NRXN1: variants seen among roughly 807,000 people sequenced by gnomAD.
NRXN1 encodes neurexin 1.
In NRXN1, 39 loss-of-function variants were observed where a neutral mutation model predicts 150.9. The ratio of observed to expected loss-of-function variants is 0.26; its 90% CI spans 0.20 to 0.34. NRXN1 has a LOEUF of 0.34. Among genes scored for constraint, NRXN1 ranks in the 10% least tolerant of loss-of-function variants. The pLI is 1.00. For synonymous variants in NRXN1, 924 were observed against 757.0 expected (o/e 1.22, Z -3.62); for missense variants, 1,815 against 1,949.9 (o/e 0.93, Z 1.30).
chr2:50,019,589 C>T (rs1265964838), intron 21 of NRXN1, among the ~76,000 whole-genome samples: 2 of 124,870 alleles, frequency 1.6e-5, no homozygotes, highest in East Asian at 5.0e-4. Context: ...TTGCAGTGAA[C>T]CGAGATGCTG....
intron 8 of NRXN1, among the ~76,000 whole-genome samples, chr2:50,613,709 T>C (rs1169043690): frequency 6.6e-6 from 1 of 152,126 alleles, no homozygotes; most frequent in Non-Finnish European, 1.5e-5. Context: ...GAGGCCCAGG[T>C]GGGTGGATCA....
Position 50,314,953 on chromosome 2 carries a change from AT to A in NRXN1, c.3365-77984del, listed in dbSNP as rs775002274. Among the ~76,000 whole-genome samples the A allele has an allele frequency of 4.3e-4, 65 of 150,668 alleles. No homozygotes were observed. The East Asian group carries it at 6.6e-3, about 15-fold the overall frequency. ...CTTTTCCCAACTTACCCAGCTTTGGATTTTTTTTTCTGGTTATAAAATTATT... is the reference window on the plus strand; with the variant it reads ...CTTTTCCCAACTTACCCAGCTTTGGATTTTTTTTCTGGTTATAAAATTATT... On this transcript the variant is annotated intron_variant, in intron 17 of 22. Coordinates refer to ENST00000401669, the MANE Select transcript of NRXN1 (RefSeq NM_001330078.2).
chr2:50,614,741 A>G (rs1331116264), intron 8 of NRXN1, among the ~76,000 whole-genome samples: 1 of 148,308 alleles, frequency 6.7e-6, no homozygotes, highest in East Asian at 1.9e-4. Flanking sequence ...TTCAAAAAAA[A>G]AAAAAAAAAA....
chr2:49,935,094 A>G (rs756052348), intron 22 of NRXN1, among the ~76,000 whole-genome samples: 2 of 152,226 alleles, frequency 1.3e-5, no homozygotes, highest in Non-Finnish European at 2.9e-5. Flanking sequence ...AATAAAAGCT[A>G]ATTTATGTTA....
In NRXN1 at chr2:49,930,529, A is replaced by T. The variant is rs570706155; in HGVS notation, c.4217-8278T>A. ...TGTTATTAGAAAGTAATCCAATAAC[A>T]TCTATTAAATTTTTTAAAATAAATA... On this transcript the variant is annotated intron_variant, in intron 22 of 22. Coordinates refer to ENST00000401669, the MANE Select transcript of NRXN1 (RefSeq NM_001330078.2). Among the ~76,000 whole-genome samples the T allele has an allele frequency of 2.0e-5, 3 of 152,356 alleles. No homozygotes were observed. The South Asian group carries it at 6.2e-4, about 32-fold the overall frequency.
chr2:50,648,334 C>T (rs77101635), intron 5 of NRXN1, among the ~76,000 whole-genome samples: 1 of 152,124 alleles, frequency 6.6e-6, no homozygotes, highest in East Asian at 1.9e-4. Flanking sequence ...ATGCTTTTGT[C>T]AGGGAAAATC....
At chr2:50,591,114 C>CA (rs1396583870) in intron 8 of NRXN1, among the ~76,000 whole-genome samples, 1 of 152,110 alleles carries the variant, frequency 6.6e-6, no homozygotes, top group Non-Finnish European at 1.5e-5. Flanking sequence ...GTTCAACTAA[C>CA]AAACCAGTGG....
chr2:50,099,966 A>ATATTATGG (rs1413028738), intron 18 of NRXN1, among the ~76,000 whole-genome samples: 2 of 152,268 alleles, frequency 1.3e-5, no homozygotes, highest in Admixed American at 1.3e-4. Flanking sequence ...TTCTAGGGAA[A>ATATTATGG]TCCTAAATGT....
At chr2:50,093,158 C>T (rs369493273) in intron 18 of NRXN1, among the ~76,000 whole-genome samples, 32 of 152,072 alleles carry the variant, frequency 2.1e-4, no homozygotes, top group East Asian at 1.7e-3. Flanking sequence ...CTTTGAATAA[C>T]GTTTGAATTT....
intron 17 of NRXN1, among the ~76,000 whole-genome samples, chr2:50,316,466 C>T (rs1353726290): frequency 1.3e-5 from 2 of 151,984 alleles, no homozygotes; most frequent in African/African-American, 2.4e-5. Context: ...GAAGATCTTG[C>T]CACATGCAAC....
intron 2 of NRXN1, among the ~76,000 whole-genome samples, chr2:50,946,952 C>CTA (rs1374870895): frequency 5.3e-5 from 8 of 152,100 alleles, no homozygotes. Context: ...CATGACTTTC[C>CTA]TATATATGTG....
chr2:50,554,006 A>G (rs528343409), intron 8 of NRXN1, among the ~76,000 whole-genome samples: 1 of 152,314 alleles, frequency 6.6e-6, no homozygotes, highest in East Asian at 1.9e-4. Context: ...TCACATTTCT[A>G]AAATACATAG....
At chr2:50,761,082 T>C (rs1477546351) in intron 5 of NRXN1, among the ~76,000 whole-genome samples, 1 of 152,022 alleles carries the variant, frequency 6.6e-6, no homozygotes, top group Admixed American at 6.6e-5. Context: ...AGTGTCTCTC[T>C]ATCGCCTTGA....
intron 2 of NRXN1, among the ~76,000 whole-genome samples, chr2:50,929,155 T>C (rs1241075967): frequency 1.3e-5 from 2 of 152,064 alleles, no homozygotes; most frequent in Non-Finnish European, 2.9e-5. Context: ...CCCCAGCTTA[T>C]AAGAATGCAA....
chr2:50,389,285 T>A (rs1383798247), intron 17 of NRXN1, among the ~76,000 whole-genome samples: 1 of 149,390 alleles, frequency 6.7e-6, no homozygotes. Flanking sequence ...GTCCAATGTA[T>A]CTAGTATCAG....
intron 17 of NRXN1, among the ~76,000 whole-genome samples, chr2:50,428,958 T>A (rs573797811): frequency 3.9e-5 from 6 of 152,160 alleles, no homozygotes; most frequent in Non-Finnish European, 7.3e-5. Flanking sequence ...TGAAACTATG[T>A]ATAAGTAAAA....
chr2:50,947,539 A>G (rs1690592635), intron 2 of NRXN1, among the ~76,000 whole-genome samples: 1 of 151,960 alleles, frequency 6.6e-6, no homozygotes, highest in Non-Finnish European at 1.5e-5. Context: ...ATTCTAGACA[A>G]GATAATATAC....
chr2:50,579,540 T>C (rs1430003989), intron 8 of NRXN1, among the ~76,000 whole-genome samples: 1 of 152,144 alleles, frequency 6.6e-6, no homozygotes, highest in African/African-American at 2.4e-5. Context: ...TCCTAGCTAT[T>C]TGGGAACCTG....
intron 2 of NRXN1, among the ~76,000 whole-genome samples, chr2:50,940,222 A>T (rs568003081): frequency 3.1e-4 from 47 of 152,280 alleles, no homozygotes; most frequent in African/African-American, 9.6e-4. Flanking sequence ...TCACATCTGT[A>T]ATCCCAGCAC....
Sources: allele counts gnomAD v4.1 joint callset (sites outside exome capture counted in the v4.1 genomes callset), GRCh38; gene constraint gnomAD v4.1.1; transcripts MANE v1.5; gene names NCBI Gene and HGNC (gene_info 2026-07-23, HGNC 2026-07-21).